FAM107B: variants seen among roughly 807,000 people sequenced by gnomAD.
FAM107B encodes protein FAM107B.
FAM107B carries 21 observed loss-of-function variants against 31.5 expected under a neutral mutation model. The ratio of observed to expected loss-of-function variants is 0.67; its 90% CI spans 0.47 to 0.96. The LOEUF is 0.96. Ranked by LOEUF, FAM107B falls within the 40% of genes least tolerant of loss-of-function variation. FAM107B has a pLI of 0.00. For missense variants in FAM107B, 452 were observed against 377.1 expected, an observed-to-expected ratio of 1.20 and a Z score of -1.64; for synonymous variants, 157 against 141.5, an observed-to-expected ratio of 1.11 and a Z score of -0.78.
chr10:14,723,841 G>T, intron 1 of FAM107B: 2 of 756,298 alleles, frequency 2.6e-6, no homozygotes, highest in Non-Finnish European at 4.8e-6. Flanking sequence ...ACTGACATCA[G>T]CAGGGTTTTC....
At chr10:14,581,913 A>C (rs554670473) in intron 2 of FAM107B, among the ~76,000 whole-genome samples, 1 of 152,196 alleles carries the variant, frequency 6.6e-6, no homozygotes, top group Admixed American at 6.5e-5. Flanking sequence ...GTCTCAAAAA[A>C]ATAAAATAAA....
Position 14,758,984 on chromosome 10 carries a change from G to A in FAM107B, c.411+15269C>T, listed in dbSNP as rs11259312. Reference sequence around the variant, plus strand: ...ACCTGAGGTTGGGAGTTCGAGACCAGCCTGACCAACATGGAGAAACCCCAT... The same window carrying A: ...ACCTGAGGTTGGGAGTTCGAGACCAACCTGACCAACATGGAGAAACCCCAT... On this transcript the variant is annotated intron_variant, in intron 1 of 4. Coordinates refer to ENST00000181796, the MANE Select transcript of FAM107B (RefSeq NM_031453.4). 6.7e-3 allele frequency among the ~76,000 whole-genome samples: 1,010 copies of A among 150,332 alleles called. 11 individuals are homozygous for A. The highest frequency in any genetic ancestry group is 0.024 in the African/African-American group (973 of 40,936).
chr10:14,535,842 G>A (rs962757666), intron 2 of FAM107B, among the ~76,000 whole-genome samples: 15 of 152,320 alleles, frequency 9.8e-5, no homozygotes, highest in South Asian at 2.1e-4. Context: ...AGCAACACAC[G>A]GAAGTCATTA....
rs1846859257 is a variant in FAM107B at position 14,530,501 on chromosome 10, C to T, written c.484G>A (p.Asp162Asn). ...AGATATGAGTCCTTATGGTCAATATCCTCAGGTGGGCTGTCTGAAAGAGAA... is the reference window on the plus strand; with the variant it reads ...AGATATGAGTCCTTATGGTCAATATTCTCAGGTGGGCTGTCTGAAAGAGAA... ...QKMTSDSPPE[D>N]IDHKDSYLIT... Residue 162 changes from aspartate (D) to asparagine (N), a missense_variant, in exon 3 of 5, where the codon GAT becomes AAT. Coordinates refer to ENST00000181796, the MANE Select transcript of FAM107B (RefSeq NM_031453.4). 1.2e-6 allele frequency: 2 copies of T among 1,612,298 alleles called. No homozygotes were observed. Among genetic ancestry groups the T allele is most frequent in the African/African-American group, 1.3e-5 (1 of 74,852 alleles).
At chr10:14,612,027 T>C (rs550266090) in intron 2 of FAM107B, among the ~76,000 whole-genome samples, 1 of 151,742 alleles carries the variant, frequency 6.6e-6, no homozygotes, top group East Asian at 1.9e-4. Context: ...TCCTTATTTA[T>C]ATAAAAAGTT....
intron 1 of FAM107B, among the ~76,000 whole-genome samples, chr10:14,721,029 G>C (rs189016373): frequency 6.6e-6 from 1 of 151,650 alleles, no homozygotes; most frequent in African/African-American, 2.4e-5. Flanking sequence ...AGTGTGTGAC[G>C]TTCCCCGCCC....
At chr10:14,720,962 T>C (rs917111525) in intron 1 of FAM107B, among the ~76,000 whole-genome samples, 1 of 152,152 alleles carries the variant, frequency 6.6e-6, no homozygotes, top group African/African-American at 2.4e-5. Flanking sequence ...ATCATTTACA[T>C]TAGGTATTTC....
chr10:14,609,255 C>T (rs953312546), intron 2 of FAM107B, among the ~76,000 whole-genome samples: 8 of 152,158 alleles, frequency 5.3e-5, no homozygotes, highest in Non-Finnish European at 7.4e-5. Context: ...CATATTGACT[C>T]GTCCTTTTTT....
At chr10:14,571,610 C>G (rs1851232560) in intron 2 of FAM107B, among the ~76,000 whole-genome samples, 1 of 152,194 alleles carries the variant, frequency 6.6e-6, no homozygotes, top group South Asian at 2.1e-4. Flanking sequence ...CAAAGACACA[C>G]TATTCAATAC....
chr10:14,567,367 T>A (rs1384879541), intron 2 of FAM107B, among the ~76,000 whole-genome samples: 4 of 152,084 alleles, frequency 2.6e-5, no homozygotes, highest in African/African-American at 9.7e-5. Context: ...TGTGGAAAGA[T>A]AATCTGCCGA....
At chr10:14,636,981 G>T (rs553297322) in intron 2 of FAM107B, among the ~76,000 whole-genome samples, 64 of 152,138 alleles carry the variant, frequency 4.2e-4, no homozygotes, top group African/African-American at 1.4e-3. Context: ...AGGATGTTTT[G>T]TATGCTCATT....
At chr10:14,555,636 G>C (rs569535491) in intron 2 of FAM107B, among the ~76,000 whole-genome samples, 1 of 152,078 alleles carries the variant, frequency 6.6e-6, no homozygotes, top group Non-Finnish European at 1.5e-5. Context: ...TGGAAAAATT[G>C]GGCATTATTT....
chr10:14,736,932 T>C (rs1377504239), intron 1 of FAM107B, among the ~76,000 whole-genome samples: 1 of 152,030 alleles, frequency 6.6e-6, no homozygotes, highest in Non-Finnish European at 1.5e-5. Context: ...AGCACTCAGA[T>C]AGGAAGCCGA....
rs1405945955 is a variant in FAM107B, at chr10:14,737,790, C to CTCTG, written c.411+36462_411+36463insCAGA. ...TTTCTCTCTCTCTCTCTCTCTCTCT[C>CTCTG]TCTCTCTCTCCTTCGTTGGCTAAAC... On this transcript the variant is annotated intron_variant, in intron 1 of 4. Coordinates refer to ENST00000181796, the MANE Select transcript of FAM107B (RefSeq NM_031453.4). Among the ~76,000 whole-genome samples, 101 of 151,330 alleles carry CTCTG rather than the reference C, an allele frequency of 6.7e-4. 2 individuals carry two copies. The East Asian group carries it at 0.019, about 29-fold the overall frequency.
chr10:14,719,478 G>A (rs1177312805), intron 1 of FAM107B, among the ~76,000 whole-genome samples: 9 of 151,950 alleles, frequency 5.9e-5, no homozygotes, highest in Non-Finnish European at 1.0e-4. Context: ...AATATTTTGC[G>A]GAGAGTAAAA....
intron 1 of FAM107B, among the ~76,000 whole-genome samples, chr10:14,737,147 C>T (rs953098128): frequency 1.3e-5 from 2 of 152,070 alleles, no homozygotes; most frequent in African/African-American, 4.8e-5. Context: ...TGAGAAAAAG[C>T]AGAGAGATTC....
intron 2 of FAM107B, among the ~76,000 whole-genome samples, chr10:14,560,895 A>G (rs1181375387): frequency 6.6e-6 from 1 of 152,100 alleles, no homozygotes; most frequent in Admixed American, 6.5e-5. Context: ...TTCTCCCCCT[A>G]CAGAGCAGAT....
intron 1 of FAM107B, among the ~76,000 whole-genome samples, chr10:14,738,156 C>T (rs1856353153): frequency 6.6e-6 from 1 of 152,138 alleles, no homozygotes; most frequent in African/African-American, 2.4e-5. Context: ...TTCCAAAAAG[C>T]TAAGTGACTT....
chr10:14,640,152 C>A (rs1033140851), intron 2 of FAM107B, among the ~76,000 whole-genome samples: 1 of 152,166 alleles, frequency 6.6e-6, no homozygotes, highest in Non-Finnish European at 1.5e-5. Context: ...ATTCATTTAA[C>A]CCTCACAACC....
Sources: allele counts gnomAD v4.1 joint callset (sites outside exome capture counted in the v4.1 genomes callset), GRCh38; gene constraint gnomAD v4.1.1; transcripts MANE v1.5; gene names NCBI Gene and HGNC (gene_info 2026-07-23, HGNC 2026-07-21).